Variants in ZNF841 observed in about 807,000 individuals in gnomAD.
ZNF841 encodes the protein zinc finger protein 841.
ZNF841 carries 11 observed loss-of-function variants against 13.0 expected under a neutral mutation model. The ratio of observed to expected loss-of-function variants is 0.85; its 90% CI spans 0.53 to 1.40. The LOEUF (loss-of-function observed/expected upper bound fraction) is 1.40. Among genes scored for constraint, ZNF841 ranks in the 40% most tolerant of loss-of-function variants. The probability of loss-of-function intolerance (pLI) is 0.00; values close to 1 mark genes in which losing one functional copy is unlikely to be tolerated. For missense variants in ZNF841, 1,068 were observed against 1,139.5 expected, an observed-to-expected ratio of 0.94 and a Z score of 0.90; for synonymous variants, 369 against 381.6, an observed-to-expected ratio of 0.97 and a Z score of 0.38.
chr19:52,084,659 A>G, intron 4 of ZNF841, 128 bp downstream of exon 4: 1 of 961,558 alleles, frequency 1.0e-6, no homozygotes, highest in Non-Finnish European at 1.6e-6. Context: ...GGACTGAAGG[A>G]AGGCATGGGT....
intron 2 of ZNF841, among the ~76,000 whole-genome samples, chr19:52,090,032 G>A (rs1014143482): frequency 6.6e-6 from 1 of 152,168 alleles, no homozygotes; most frequent in Non-Finnish European, 1.5e-5. Flanking sequence ...AGCAAGTGCT[G>A]ACAATATTAA....
chr19:52,066,106 G>T lies in ZNF841; in HGVS notation c.1776C>A (p.Thr592=), dbSNP rs376243555. ...SCLARHQRMH[T]GEKPYKCNVC... ...CATTACATTTGTAAGGTTTCTCTCCGGTATGCATTCTTTGATGACGTGCTA... is the reference window on the plus strand; with the variant it reads ...CATTACATTTGTAAGGTTTCTCTCCTGTATGCATTCTTTGATGACGTGCTA... The change falls in exon 7 of 7, where the codon ACC becomes ACA. Residue 592 remains threonine, a synonymous_variant. Coordinates refer to ENST00000594440, the MANE Select transcript of ZNF841 (RefSeq NM_001136499.2). 3 of 1,613,412 alleles carry T rather than the reference G, an allele frequency of 1.9e-6. No homozygotes were observed. Among genetic ancestry groups the T allele is most frequent in the Non-Finnish European group, 8.5e-7 (1 of 1,179,814 alleles).
intron 2 of ZNF841, among the ~76,000 whole-genome samples, chr19:52,090,059 G>A (rs183044362): frequency 6.6e-6 from 1 of 152,186 alleles, no homozygotes. Flanking sequence ...TTTAAAGGCA[G>A]CTGGGCATTG....
intron 4 of ZNF841, among the ~76,000 whole-genome samples, chr19:52,079,431 TAAA>T (rs35306980): frequency 8.4e-5 from 7 of 83,202 alleles, no homozygotes; most frequent in African/African-American, 1.8e-4. Context: ...AGGAAATCTG[TAAA>T]AAAAAAAAAA....
chr19:52,085,416 G>A (rs1389621493), intron 3 of ZNF841, among the ~76,000 whole-genome samples: 2 of 152,312 alleles, frequency 1.3e-5, no homozygotes, highest in South Asian at 4.1e-4. Context: ...AAGGGGGCAA[G>A]ACTAGCACAG....
intron 4 of ZNF841, among the ~76,000 whole-genome samples, chr19:52,083,138 TAAG>T (rs1346545665): frequency 6.6e-6 from 1 of 152,030 alleles, no homozygotes; most frequent in Non-Finnish European, 1.5e-5. Flanking sequence ...AACATTCACT[TAAG>T]AATTGTTTTC....
intron 2 of ZNF841, among the ~76,000 whole-genome samples, chr19:52,090,995 C>T (rs899578321): frequency 6.6e-6 from 1 of 152,162 alleles, no homozygotes; most frequent in African/African-American, 2.4e-5. Context: ...GACAACCACC[C>T]GCTTCTCCCT....
At chr19:52,080,754 C>T (rs1033389308) in intron 4 of ZNF841, among the ~76,000 whole-genome samples, 1 of 152,052 alleles carries the variant, frequency 6.6e-6, no homozygotes, top group African/African-American at 2.4e-5. Context: ...AACTAGCAAA[C>T]ATTTTCAATG....
intron 6 of ZNF841, among the ~76,000 whole-genome samples, chr19:52,070,103 A>G (rs1288451770): frequency 6.6e-6 from 1 of 152,230 alleles, no homozygotes. Flanking sequence ...AGTAAGACAC[A>G]AGAACCTGGG....
At chr19:52,092,361 C>T (rs1452250878) in intron 2 of ZNF841, among the ~76,000 whole-genome samples, 1 of 152,136 alleles carries the variant, frequency 6.6e-6, no homozygotes, top group African/African-American at 2.4e-5. Context: ...CCAAATAAGA[C>T]ATACAAATGA....
rs1381487698 is a variant in ZNF841 at position 52,066,950 on chromosome 19, T to C, written c.932A>G (p.His311Arg). Reference protein sequence around the residue: ...GSLLTVHQIVHTRGKPYQCDV... With the variant: ...GSLLTVHQIVRTRGKPYQCDV... ...ACATTGGTATGGTTTCCCTCTTGTA[T>C]GGACTATCTGATGTACTGTTAGTAG... The change falls in exon 7 of 7, where the codon CAT becomes CGT. Residue 311 changes from histidine (H) to arginine (R), a missense_variant. Transcript: ENST00000594440. The C allele has an allele frequency of 6.8e-6, 11 of 1,614,066 alleles. No individual in the cohort carries two copies. Among genetic ancestry groups the C allele is most frequent in the African/African-American group, 1.3e-5 (1 of 74,942 alleles).
Position 52,065,757 on chromosome 19 carries a change from G to A in ZNF841, c.2125C>T (p.His709Tyr). The change falls in exon 7 of 7, where the codon CAC (histidine) becomes TAC (tyrosine). Residue 709 changes from histidine (H) to tyrosine (Y), a missense_variant. Coordinates refer to ENST00000594440, the MANE Select transcript of ZNF841 (RefSeq NM_001136499.2). Reference protein sequence around the residue: ...YHRNPTGEKPHKCSECGRTFS... With the variant: ...YHRNPTGEKPYKCSECGRTFS... ...GTTCTACCACATTCACTACATTTGT[G>A]TGGTTTCTCCCCAGTAGGATTTCTG... 1 of 1,608,492 alleles carries A rather than the reference G, an allele frequency of 6.2e-7. No homozygotes were observed. Among genetic ancestry groups the A allele is most frequent in the Non-Finnish European group, 8.5e-7 (1 of 1,176,914 alleles).
chr19:52,063,170 T>A (rs749191333), downstream of ZNF841, among the ~76,000 whole-genome samples: 4 of 151,256 alleles, frequency 2.6e-5, no homozygotes, highest in Non-Finnish European at 5.9e-5. Context: ...CCACCGCATC[T>A]GGCTGAGAAA....
chr19:52,084,952 G>T, intron 3 of ZNF841, 74 bp from the exon 4 acceptor site: 1 of 802,104 alleles, frequency 1.2e-6, no homozygotes, highest in South Asian at 1.9e-5. Context: ...ATGCCCACAG[G>T]GAAGGCCTCA....
intron 2 of ZNF841, among the ~76,000 whole-genome samples, chr19:52,090,654 G>GGAAGGAAA (rs1183196348): frequency 0.022 from 1,827 of 84,482 alleles, 32 homozygotes; most frequent in Middle Eastern, 0.041. Context: ...AAGGAAGGAA[G>GGAAGGAAA]GAAAGAAAGA....
intron 2 of ZNF841, among the ~76,000 whole-genome samples, chr19:52,090,707 G>GAGAA (rs74182467): frequency 6.8e-5 from 8 of 117,620 alleles, no homozygotes; most frequent in East Asian, 2.5e-4. Flanking sequence ...AAGAAAGAAA[G>GAGAA]AGAAAGAAAG....
chr19:52,059,937 T>C (rs2087371136), downstream of ZNF841, among the ~76,000 whole-genome samples: 1 of 152,128 alleles, frequency 6.6e-6, no homozygotes, highest in Non-Finnish European at 1.5e-5. Flanking sequence ...TTTTGTAACT[T>C]TACTTCAGCC....
chr19:52,070,452 G>A (rs1051553289), intron 6 of ZNF841, among the ~76,000 whole-genome samples: 1 of 152,124 alleles, frequency 6.6e-6, no homozygotes, highest in Admixed American at 6.5e-5. Context: ...TGGAAGAAGG[G>A]GTCAGCTGCG....
chr19:52,082,168 T>G (rs1476881638), intron 4 of ZNF841, among the ~76,000 whole-genome samples: 1 of 152,162 alleles, frequency 6.6e-6, no homozygotes, highest in Admixed American at 6.5e-5. Context: ...AATAAAGATA[T>G]GATCACTGAC....
Sources: allele counts gnomAD v4.1 joint callset (sites outside exome capture counted in the v4.1 genomes callset), GRCh38; gene constraint gnomAD v4.1.1; transcripts MANE v1.5; gene names NCBI Gene and HGNC (gene_info 2026-07-23, HGNC 2026-07-21).